RIPOR2: variants seen among roughly 807,000 people sequenced by gnomAD.
RIPOR2 encodes RHO family interacting cell polarization regulator 2.
A neutral mutation model predicts 114.5 loss-of-function variants in RIPOR2; 39 were observed. That is an observed-to-expected ratio of 0.34 (90% CI 0.26 to 0.44). The LOEUF (loss-of-function observed/expected upper bound fraction) is 0.44. Among genes scored for constraint, RIPOR2 ranks in the 20% least tolerant of loss-of-function variants. RIPOR2 has a pLI of 1.00. For synonymous variants in RIPOR2, 445 were observed against 484.4 expected, an observed-to-expected ratio of 0.92 and a Z score of 1.07; for missense variants, 1,007 against 1,255.1, an observed-to-expected ratio of 0.80 and a Z score of 2.99.
intron 1 of RIPOR2, among the ~76,000 whole-genome samples, chr6:24,969,714 C>A (rs1342989636): frequency 6.6e-6 from 1 of 152,168 alleles, no homozygotes; most frequent in Admixed American, 6.5e-5. Flanking sequence ...TCCCTCCACT[C>A]TCCCCTTCAC....
rs139080805 is a variant in RIPOR2 at position 24,821,740 on chromosome 6, C to T, written c.2869-3115G>A. Reference sequence around the variant, plus strand: ...GGGCAGCTACACAGGGACTAGCCTCCAGTACAAAAGGAACAAGGTGACTGT... The same window carrying T: ...GGGCAGCTACACAGGGACTAGCCTCTAGTACAAAAGGAACAAGGTGACTGT... On this transcript the variant is annotated intron_variant, in intron 19 of 21. Coordinates refer to ENST00000643898, the MANE Select transcript of RIPOR2 (RefSeq NM_001286445.3). Among the ~76,000 whole-genome samples the T allele has an allele frequency of 4.1e-3, 619 of 152,284 alleles. 3 individuals carry two copies. Among genetic ancestry groups the T allele is most frequent in the African/African-American group, 0.014 (569 of 41,556 alleles).
chr6:24,928,004 A>C (rs534225629), intron 1 of RIPOR2, among the ~76,000 whole-genome samples: 104 of 152,348 alleles, frequency 6.8e-4, no homozygotes, highest in African/African-American at 2.4e-3. Context: ...TTTGCAGAGC[A>C]ACACGTGATT....
chr6:24,848,913 G>GT (rs1762583154), intron 11 of RIPOR2, among the ~76,000 whole-genome samples: 1 of 152,032 alleles, frequency 6.6e-6, no homozygotes, highest in Non-Finnish European at 1.5e-5. Context: ...AGTGGTTTTT[G>GT]TTTTTTTGGA....
At chr6:24,931,420 C>T (rs1324517997) in intron 1 of RIPOR2, among the ~76,000 whole-genome samples, 1 of 152,156 alleles carries the variant, frequency 6.6e-6, no homozygotes, top group Non-Finnish European at 1.5e-5. Context: ...TCAAAAGTGA[C>T]TGCCAATTTT....
exon 1 of RIPOR2, chr6:25,041,911 GCGAAGGTAA>G (rs1777472966): frequency 1.4e-6 from 1 of 702,862 alleles, no homozygotes. Flanking sequence ...CAGTGTAATC[GCGAAGGTAA>G]CACCATGGTC....
At chr6:24,880,331 A>T (rs1395962141) in intron 1 of RIPOR2, among the ~76,000 whole-genome samples, 1 of 152,168 alleles carries the variant, frequency 6.6e-6, no homozygotes, top group Non-Finnish European at 1.5e-5. Context: ...ACATGGAAAG[A>T]TCCCCAGGAT....
At position 24,875,689 on chromosome 6, in the gene RIPOR2, G is replaced by T. The variant is rs770098161; in HGVS notation, c.188+2C>A. ...CCCGGGAGAGAACCACACAGTACTT[G>T]CCTGGATCGCCTTTCCTGGAGGCCG... On this transcript the variant is annotated splice_donor_variant, in intron 2 of 21. Coordinates refer to ENST00000643898, the MANE Select transcript of RIPOR2 (RefSeq NM_001286445.3). LOFTEE classifies it high-confidence loss of function. 86 of 1,611,776 alleles carry T rather than the reference G, an allele frequency of 5.3e-5. No individual in the cohort carries two copies. The highest frequency in any genetic ancestry group is 7.0e-5 in the Non-Finnish European group (83 of 1,179,166).
chr6:24,920,027 A>C (rs187593170), intron 1 of RIPOR2, among the ~76,000 whole-genome samples: 93 of 152,342 alleles, frequency 6.1e-4, no homozygotes, highest in Admixed American at 2.9e-3. Flanking sequence ...TATTCCCCAG[A>C]ATTAGAATAA....
intron 1 of RIPOR2, among the ~76,000 whole-genome samples, chr6:25,012,677 C>G (rs1305018475): frequency 6.6e-6 from 1 of 152,044 alleles, no homozygotes. Context: ...CCAAAATATA[C>G]AAATCCATAG....
intron 1 of RIPOR2, among the ~76,000 whole-genome samples, chr6:25,022,531 CATTTTTTTT>C (rs1561848696): frequency 1.1e-4 from 7 of 64,524 alleles, no homozygotes; most frequent in South Asian, 6.0e-4. Flanking sequence ...TGGTACCTTC[CATTTTTTTT>C]TTTTTTTTTT....
At chr6:24,807,601 A>G (rs9379691) in intron 21 of RIPOR2, among the ~76,000 whole-genome samples, 113,419 of 152,112 alleles carry the variant, frequency 0.75, 44,452 homozygotes, top group East Asian at 0.88. Flanking sequence ...AGGAGCAGCT[A>G]TCCTCAAAAT....
intron 6 of RIPOR2, 61 bp from the exon 7 acceptor site, chr6:24,865,511 C>T (rs1286025881): frequency 3.7e-6 from 5 of 1,338,100 alleles, no homozygotes; most frequent in African/African-American, 2.9e-5. Context: ...ATACATAGAT[C>T]ATTGTTACAT....
intron 1 of RIPOR2, among the ~76,000 whole-genome samples, chr6:24,932,412 C>T (rs950488331): frequency 2.0e-5 from 3 of 151,584 alleles, no homozygotes; most frequent in Non-Finnish European, 4.4e-5. Flanking sequence ...TTGGGATTTG[C>T]AGTGTGTAGG....
chr6:24,910,191 G>C (rs1312132938), intron 1 of RIPOR2, among the ~76,000 whole-genome samples: 1 of 152,056 alleles, frequency 6.6e-6, no homozygotes, highest in Admixed American at 6.5e-5. Context: ...CATCTTTCCA[G>C]ACACAGATCG....
At chr6:24,886,741 C>G (rs1470320422) in intron 1 of RIPOR2, among the ~76,000 whole-genome samples, 1 of 152,172 alleles carries the variant, frequency 6.6e-6, no homozygotes, top group African/African-American at 2.4e-5. Context: ...TAACTTTGAT[C>G]AGTTGGTTAA....
intron 10 of RIPOR2, among the ~76,000 whole-genome samples, chr6:24,850,280 A>G (rs1187499078): frequency 6.6e-6 from 1 of 151,820 alleles, no homozygotes; most frequent in African/African-American, 2.4e-5. Context: ...ACTTTTGTAG[A>G]GACGGCGTTT....
At chr6:25,012,787 A>G (rs1313329048) in intron 1 of RIPOR2, among the ~76,000 whole-genome samples, 4 of 152,190 alleles carry the variant, frequency 2.6e-5, no homozygotes, top group Non-Finnish European at 5.9e-5. Flanking sequence ...TGCAGTGGTG[A>G]AAACATTTTG....
intron 1 of RIPOR2, among the ~76,000 whole-genome samples, chr6:24,977,779 A>G (rs1774131011): frequency 6.6e-6 from 1 of 152,170 alleles, no homozygotes; most frequent in Non-Finnish European, 1.5e-5. Context: ...AAAAGTTTTG[A>G]GAATTATAGT....
Position 24,828,228 on chromosome 6 carries a change from C to T in RIPOR2, c.2574G>A (p.Ser858=), listed in dbSNP as rs986810473. Residue 858 remains serine, a synonymous_variant, in exon 18 of 22, where the codon TCG becomes TCA. Transcript: ENST00000643898. ...AATACTGGAAAACAGTGACGACTTC[C>T]GAGGACAGGCTGGAGGAAAGCAGAG... ...AEPLLSSSLS[S]EVVTVFQYYS... is the part of the protein sequence containing the mutation. 16 of 1,551,246 alleles carry T rather than the reference C, an allele frequency of 1.0e-5. No individual in the cohort carries two copies. The highest frequency in any genetic ancestry group is 1.2e-5 in the Non-Finnish European group (14 of 1,146,804).
Sources: gnomAD v4.1 joint callset for allele counts (sites outside exome capture counted in the v4.1 genomes callset) on GRCh38, gnomAD v4.1.1 for gene constraint, MANE v1.5 for transcripts, NCBI Gene and HGNC (gene_info 2026-07-23, HGNC 2026-07-21) for gene names.